Variants in GALC observed in about 807,000 individuals in gnomAD.
GALC encodes the protein galactocerebrosidase.
GALC carries 77 observed loss-of-function variants against 91.8 expected under a neutral mutation model. The ratio of observed to expected loss-of-function variants is 0.84; its 90% CI spans 0.70 to 1.01. The LOEUF (loss-of-function observed/expected upper bound fraction) is 1.01. GALC is among the 50% of genes least tolerant of loss of function. The pLI is 0.00. For synonymous variants in GALC, 357 were observed against 306.7 expected (o/e 1.16, Z -1.71); for missense variants, 882 against 855.9 (o/e 1.03, Z -0.38).
At chr14:87,949,633 C>T (rs1885222567) in intron 12 of GALC, among the ~76,000 whole-genome samples, 1 of 151,956 alleles carries the variant, frequency 6.6e-6, no homozygotes, top group Non-Finnish European at 1.5e-5. Context: ...GTGGGAAAGA[C>T]AGAGAGTCTC....
At chr14:87,980,940 AT>A (rs544217232) in intron 6 of GALC, among the ~76,000 whole-genome samples, 2 of 152,146 alleles carry the variant, frequency 1.3e-5, no homozygotes, top group African/African-American at 2.4e-5. Flanking sequence ...TTCAAAGAAA[AT>A]TTTTTTCTAT....
chr14:87,991,001 C>A (rs1367127143), intron 1 of GALC, among the ~76,000 whole-genome samples: 1 of 152,124 alleles, frequency 6.6e-6, no homozygotes, highest in Non-Finnish European at 1.5e-5. Flanking sequence ...ATCCTAAGTA[C>A]TTTAGGTCTA....
Position 87,934,319 on chromosome 14 carries a change from T to C in GALC, c.*413A>G. ...CAGCATCATCTTGTGATGAAGACAC[T>C]GGCTCACTTGGACACACGGTCAGCA... On this transcript the variant is annotated 3_prime_UTR_variant, in exon 17 of 17. Transcript: ENST00000261304. The C allele has an allele frequency of 1.6e-6, 2 of 1,281,176 alleles. No homozygotes were observed. The highest frequency in any genetic ancestry group is 3.6e-5 in the East Asian group (1 of 27,676). 79.4% of individuals were successfully genotyped at this position (1,281,176 alleles called of 1,614,324 possible).
chr14:87,978,438 T>C (rs1886598324), intron 6 of GALC, among the ~76,000 whole-genome samples: 2 of 152,332 alleles, frequency 1.3e-5, no homozygotes, highest in Admixed American at 6.5e-5. Context: ...GTCCTAGTCC[T>C]AGAAAATCCC....
At chr14:87,947,424 C>T (rs1293845229) in intron 13 of GALC, among the ~76,000 whole-genome samples, 2 of 151,934 alleles carry the variant, frequency 1.3e-5, no homozygotes, top group African/African-American at 4.8e-5. Flanking sequence ...TCAGTAATGG[C>T]TAATGGGGCA....
chr14:87,984,291 C>T (rs997897035), intron 5 of GALC, 103 bp downstream of exon 5: 1 of 1,131,962 alleles, frequency 8.8e-7, no homozygotes, highest in Non-Finnish European at 1.3e-6. Context: ...AAATTAGCCT[C>T]ATGGCATAAA....
Position 87,976,781 on chromosome 14 carries a change from A to C in GALC, c.622-293T>G, listed in dbSNP as rs755311868. 142 of 355,090 alleles carry C rather than the reference A, an allele frequency of 4.0e-4. No individual in the cohort carries two copies. The Middle Eastern group carries it at 4.9e-3, about 12-fold the overall frequency. The allele number at this position is 355,090 out of a possible 1,614,324, so 22.0% of individuals were successfully genotyped here. A position where few individuals can be genotyped will look rare whatever the true frequency, so the allele number is the denominator to read the frequency against. ...AGGCACGCGCCACCACGCCTGGCTA[A>C]TTTTTGTATTTTTTAGCAGAGACAG... is the stretch of plus-strand genomic sequence containing the variant. On this transcript the variant is annotated intron_variant, in intron 6 of 16. Transcript: ENST00000261304.
At chr14:87,984,742 G>C (rs773376621) in intron 4 of GALC, among the ~76,000 whole-genome samples, 1 of 152,038 alleles carries the variant, frequency 6.6e-6, no homozygotes, top group Non-Finnish European at 1.5e-5. Flanking sequence ...CCTAGAGTCA[G>C]GTCCCATAAT....
chr14:87,965,235 T>C (rs1307866543), intron 9 of GALC, among the ~76,000 whole-genome samples: 1 of 151,912 alleles, frequency 6.6e-6, no homozygotes, highest in Admixed American at 6.6e-5. Flanking sequence ...AGATGATTAT[T>C]TATTTGTGTC....
intron 15 of GALC, among the ~76,000 whole-genome samples, chr14:87,941,078 C>T (rs1394452565): frequency 6.6e-6 from 1 of 151,892 alleles, no homozygotes; most frequent in African/African-American, 2.4e-5. Flanking sequence ...CCTGAGCATT[C>T]TCTCCCTACC....
At chr14:87,953,314 G>T in intron 10 of GALC, 3 of 1,460,882 alleles carry the variant, frequency 2.1e-6, no homozygotes, top group South Asian at 1.1e-5. Context: ...CATGGAGACT[G>T]AACCAAAGGC....
intron 10 of GALC, chr14:87,952,613 A>G: frequency 6.6e-7 from 1 of 1,515,142 alleles, no homozygotes; most frequent in Non-Finnish European, 9.1e-7. Context: ...TTCAGCTTTT[A>G]TACAGTCAAC....
chr14:87,980,158 G>A lies in GALC; in HGVS notation c.621+2047C>T, dbSNP rs574105037. Reference sequence around the variant, plus strand: ...AGCACTTTGGGAGGCCGAGGCGGGCGGATCACAAGGTCAAGAATTCAAGAC... The same window carrying A: ...AGCACTTTGGGAGGCCGAGGCGGGCAGATCACAAGGTCAAGAATTCAAGAC... On this transcript the variant is annotated intron_variant, in intron 6 of 16. Coordinates refer to ENST00000261304, the MANE Select transcript of GALC (RefSeq NM_000153.4). Among the ~76,000 whole-genome samples the A allele has an allele frequency of 7.2e-4, 110 of 152,146 alleles. 1 individual carries two copies. Among genetic ancestry groups the A allele is most frequent in the African/African-American group, 2.3e-3 (94 of 41,528 alleles).
chr14:87,941,509 CTG>C lies in GALC; in HGVS notation c.1718_1719del (p.Thr573ArgfsTer11), dbSNP rs1252672559. ...ACTCTTCCTGCAATGAACACACCTC[CTG>C]TGTCAGGGGTCTCTATGTATACATC... ...KCDVYIETPD[T>X]GGVFIAGRVN... On this transcript the variant is annotated frameshift_variant, in exon 15 of 17. Transcript: ENST00000261304. LOFTEE classifies it high-confidence loss of function. 6.3e-7 allele frequency: 1 copy of C among 1,596,174 alleles called. No individual in the cohort carries two copies. Among genetic ancestry groups the C allele is most frequent in the Non-Finnish European group, 8.6e-7 (1 of 1,164,190 alleles).
chr14:87,945,823 T>C (rs888887488), intron 13 of GALC, 90 bp from the exon 14 acceptor site: 3 of 952,702 alleles, frequency 3.1e-6, no homozygotes, highest in Admixed American at 4.0e-5. Flanking sequence ...GAAACACTTC[T>C]GAAAGCTTTT....
At chr14:87,992,603 C>T (rs1887251974) in intron 1 of GALC, 4 of 1,449,814 alleles carry the variant, frequency 2.8e-6, no homozygotes, top group Non-Finnish European at 3.6e-6. Context: ...CTTTCTGGAG[C>T]GACGCTCCCC....
At position 87,949,908 on chromosome 14, in the gene GALC, T is replaced by G; in HGVS notation, c.1275A>C (p.Val425=). 1 of 1,575,098 alleles carries G rather than the reference T, an allele frequency of 6.3e-7. No individual in the cohort carries two copies. Among genetic ancestry groups the G allele is most frequent in the South Asian group, 1.1e-5 (1 of 90,268 alleles). The change falls in exon 12 of 17, where the codon GTA becomes GTC. Residue 425 remains valine (V), a synonymous_variant. Coordinates refer to ENST00000261304, the MANE Select transcript of GALC (RefSeq NM_000153.4). ...ATGTTTTTCCAAGTTTGGTATACCA[T>G]ACCTGTAGCTCTGGTATTTCACTCT... ...GSFSEIPELQ[V]WYTKLGKTSE... is the part of the protein sequence containing the mutation.
chr14:87,948,015 C>T (rs898168592), intron 12 of GALC, 137 bp from the exon 13 acceptor site: 99 of 727,332 alleles, frequency 1.4e-4, no homozygotes, highest in Non-Finnish European at 2.0e-4. Flanking sequence ...TTGTGGAAAA[C>T]TCACCAATAT....
At chr14:87,988,588 G>T in intron 1 of GALC, 65 bp from the exon 2 acceptor site, 2 of 1,131,414 alleles carry the variant, frequency 1.8e-6, no homozygotes, top group Non-Finnish European at 2.7e-6. Flanking sequence ...TGTCTACAGT[G>T]TTCACGCACA....
Sources: gnomAD v4.1 joint callset for allele counts (sites outside exome capture counted in the v4.1 genomes callset) on GRCh38, gnomAD v4.1.1 for gene constraint, MANE v1.5 for transcripts, NCBI Gene and HGNC (gene_info 2026-07-23, HGNC 2026-07-21) for gene names.